The following NLRP2 variants were observed in gnomAD, a reference collection of about 807,000 sequenced individuals.
NLRP2 encodes the protein NACHT, LRR and PYD domains-containing protein 2.
A neutral mutation model predicts 97.2 loss-of-function variants in NLRP2; 107 were observed. The ratio of observed to expected loss-of-function variants is 1.10; its 90% confidence interval spans 0.94 to 1.29. The LOEUF (loss-of-function observed/expected upper bound fraction) is 1.29. Among genes scored for constraint, NLRP2 ranks in the 50% most tolerant of loss-of-function variants. NLRP2 has a pLI of 0.00. For missense variants in NLRP2, 1,495 were observed against 1,330.3 expected (o/e 1.12, Z -1.93); for synonymous variants, 663 against 551.5 (o/e 1.20, Z -2.83).
chr19:54,993,640 T>G, intron 10 of NLRP2: 1 of 159,578 alleles, frequency 6.3e-6, no homozygotes, highest in Non-Finnish European at 1.4e-5. Context: ...AGGTCGGGAG[T>G]TCAAGACCAG....
chr19:54,966,757 A>G (rs2070450397), intron 1 of NLRP2, among the ~76,000 whole-genome samples: 1 of 148,658 alleles, frequency 6.7e-6, no homozygotes. Flanking sequence ...CATGTTGGCC[A>G]GGCTGGTCTC....
At chr19:54,994,605 T>C (rs2072703014) in intron 11 of NLRP2, among the ~76,000 whole-genome samples, 166 bp downstream of exon 11, 1 of 151,944 alleles carries the variant, frequency 6.6e-6, no homozygotes, top group Admixed American at 6.6e-5. Context: ...TTCTAGTCTA[T>C]GTCTAAGTTT....
rs747325012 is a variant in NLRP2, at chr19:55,000,770, G to C, written c.3061G>C (p.Asp1021His). 5.6e-6 allele frequency: 9 copies of C among 1,613,374 alleles called. No homozygotes were observed. In the African/African-American group the frequency reaches 1.2e-4, roughly 22 times the overall value. ...GTLRTLRLKI[D>H]DFNDELNKLL... is the part of the protein sequence containing the mutation. ...CCCATTGTACCCCAGGTTGAAAATC[G>C]ATGACTTTAATGATGAACTCAATAA... Residue 1021 changes from aspartate to histidine, a missense_variant, in exon 13 of 13, where the codon GAT (aspartate) becomes CAT (histidine). Transcript: ENST00000448584.
chr19:54,965,538 C>T (rs2070333635), upstream of NLRP2, among the ~76,000 whole-genome samples: 1 of 93,982 alleles, frequency 1.1e-5, no homozygotes, highest in Admixed American at 1.0e-4. Context: ...TCACTGCAAG[C>T]TCCGCCTCCC....
At chr19:54,983,777 A>G (rs776940487) in intron 6 of NLRP2, 49 bp downstream of exon 6, 5 of 1,599,728 alleles carry the variant, frequency 3.1e-6, no homozygotes, top group South Asian at 2.2e-5. Flanking sequence ...GCCTCATCCC[A>G]TGCCCCCTTA....
At chr19:54,981,886 C>G (rs1410850985) in intron 5 of NLRP2, among the ~76,000 whole-genome samples, 1 of 152,102 alleles carries the variant, frequency 6.6e-6, no homozygotes, top group Admixed American at 6.6e-5. Flanking sequence ...TCAAGCAATT[C>G]TCCTGCCTCA....
chr19:54,981,193 G>A (rs1432634194), intron 4 of NLRP2, among the ~76,000 whole-genome samples: 1 of 152,028 alleles, frequency 6.6e-6, no homozygotes, highest in Non-Finnish European at 1.5e-5. Flanking sequence ...TTATTGAGAT[G>A]GAGTCTTGCT....
At chr19:54,989,997 T>C (rs1457525584) in intron 8 of NLRP2, 25 bp from the exon 9 acceptor site, 1 of 1,546,536 alleles carries the variant, frequency 6.5e-7, no homozygotes, top group Non-Finnish European at 8.8e-7. Context: ...AAAAAAAAAA[T>C]GACGTGGTCC....
chr19:54,990,775 G>A, intron 10 of NLRP2, 103 bp downstream of exon 10: 1 of 1,229,738 alleles, frequency 8.1e-7, no homozygotes, highest in South Asian at 1.2e-5. Context: ...TCCTCTAAAA[G>A]TTCCAAGCAT....
chr19:54,969,341 A>G lies in NLRP2; in HGVS notation c.-17-658A>G, dbSNP rs182605820. On this transcript the variant is annotated intron_variant, in intron 1 of 12. Coordinates refer to ENST00000448584, the MANE Select transcript of NLRP2 (RefSeq NM_017852.5). ...AAATACAAAAAAATTAGCTGGGCACAGTGGTGAATGCCTGTAATCCCAGCT... is the reference window on the plus strand; with the variant it reads ...AAATACAAAAAAATTAGCTGGGCACGGTGGTGAATGCCTGTAATCCCAGCT... 3.7e-3 allele frequency among the ~76,000 whole-genome samples: 567 copies of G among 152,102 alleles called. 1 individual carries two copies. Among genetic ancestry groups the G allele is most frequent in the South Asian group, 9.6e-3 (46 of 4,808 alleles).
At chr19:54,988,166 C>T (rs2072221967) in intron 8 of NLRP2, among the ~76,000 whole-genome samples, 1 of 152,144 alleles carries the variant, frequency 6.6e-6, no homozygotes, top group African/African-American at 2.4e-5. Flanking sequence ...TGAAACCAAG[C>T]CCATGCATTC....
rs1168964890 is a variant in NLRP2 at position 55,000,858 on chromosome 19, C to G, written c.3149C>G (p.Pro1050Arg). ...QLIIDTEKHH[P>R]WAERPSSHDF... The stretch of plus-strand genomic sequence containing the variant: ...ATTATTGATACTGAGAAACATCATC[C>G]CTGGGCAGAAAGGCCTTCTTCTCAT... The change falls in exon 13 of 13, where the codon CCC (proline) becomes CGC (arginine). Residue 1050 changes from proline (P) to arginine (R), a missense_variant. Coordinates refer to ENST00000448584, the MANE Select transcript of NLRP2 (RefSeq NM_017852.5). The G allele has an allele frequency of 6.2e-7, 1 of 1,613,436 alleles. No individual in the cohort carries two copies. Among genetic ancestry groups the G allele is most frequent in the South Asian group, 1.1e-5 (1 of 91,066 alleles).
chr19:54,970,352 A>G, intron 2 of NLRP2, 57 bp downstream of exon 2: 1 of 1,605,360 alleles, frequency 6.2e-7, no homozygotes, highest in Non-Finnish European at 8.5e-7. Flanking sequence ...CCTCTCCAGG[A>G]CTTTAGAAAT....
rs758916247 is a variant in NLRP2, at chr19:54,974,015, C to T, written c.281-485C>T. The T allele has an allele frequency of 1.6e-6, 2 of 1,269,218 alleles. 1 individual carries two copies. The highest frequency in any genetic ancestry group is 2.4e-5 in the South Asian group (2 of 84,506). 78.6% of individuals were successfully genotyped at this position (1,269,218 alleles called of 1,614,324 possible). A position where few individuals can be genotyped will look rare whatever the true frequency, so the allele number is the denominator to read the frequency against. Reference sequence around the variant, plus strand: ...AACTACAAAGAAGATTGTGCTAAGGCTTGAGTGCCTTGAGCCCAACTGCAG... The same window carrying T: ...AACTACAAAGAAGATTGTGCTAAGGTTTGAGTGCCTTGAGCCCAACTGCAG... On this transcript the variant is annotated intron_variant, in intron 2 of 12. Coordinates refer to ENST00000448584, the MANE Select transcript of NLRP2 (RefSeq NM_017852.5).
chr19:54,977,612 T>G, intron 3 of NLRP2, 140 bp from the exon 4 acceptor site: 2 of 817,472 alleles, frequency 2.4e-6, no homozygotes, highest in Non-Finnish European at 4.2e-6. Flanking sequence ...ACTTTCACTT[T>G]TACATCCAGT....
chr19:54,985,677 C>CAAAAAAA (rs113852885), intron 7 of NLRP2, among the ~76,000 whole-genome samples: 12 of 67,734 alleles, frequency 1.8e-4, no homozygotes, highest in African/African-American at 3.1e-4. Context: ...GACTGCGTCT[C>CAAAAAAA]AAAAAAAAAA....
intron 4 of NLRP2, among the ~76,000 whole-genome samples, chr19:54,980,207 GT>G (rs11288227): frequency 0.53 from 79,045 of 148,172 alleles, 21,163 homozygotes; most frequent in Admixed American, 0.61. Flanking sequence ...GTTTTGTTTT[GT>G]TTTTTTTTTT....
intron 8 of NLRP2, among the ~76,000 whole-genome samples, chr19:54,989,175 C>T (rs2072294914): frequency 6.7e-6 from 1 of 148,776 alleles, no homozygotes; most frequent in African/African-American, 2.5e-5. Context: ...CCAGGATGGT[C>T]TCAAACTCCT....
In NLRP2 at chr19:54,983,372, T is replaced by C. The variant is rs10412915; in HGVS notation, c.1674T>C (p.Phe558=). The change falls in exon 6 of 13, where the codon TTT becomes TTC. Residue 558 remains phenylalanine (F), a synonymous_variant. Transcript: ENST00000448584. Reference sequence around the variant, plus strand: ...TGATCCAAGCAGGCTACTACTCCTTTGGCCTCGCTAACGAGAAGAGAGCCA... The same window carrying C: ...TGATCCAAGCAGGCTACTACTCCTTCGGCCTCGCTAACGAGAAGAGAGCCA... ...PDLIQAGYYS[F]GLANEKRAKE... is the part of the protein sequence containing the mutation. The C allele has an allele frequency of 0.3, 484,824 of 1,613,962 alleles. 74,158 individuals are homozygous for C. The highest frequency in any genetic ancestry group is 0.31 in the Non-Finnish European group (364,327 of 1,179,964).
Sources: gnomAD v4.1 joint callset for allele counts (sites outside exome capture counted in the v4.1 genomes callset) on GRCh38, gnomAD v4.1.1 for gene constraint, MANE v1.5 for transcripts, NCBI Gene and HGNC (gene_info 2026-07-23, HGNC 2026-07-21) for gene names.